The following VAV3 variants were observed in gnomAD, a reference collection of about 807,000 sequenced individuals.
VAV3 encodes the protein guanine nucleotide exchange factor VAV3.
A neutral mutation model predicts 131.2 loss-of-function variants in VAV3; 94 were observed. The ratio of observed to expected loss-of-function variants is 0.72; its 90% CI spans 0.61 to 0.85. The LOEUF (loss-of-function observed/expected upper bound fraction) is 0.85. Ranked by LOEUF, VAV3 falls within the 40% of genes least tolerant of loss-of-function variation. The pLI is 0.00. For missense variants in VAV3, 939 were observed against 1,002.7 expected (o/e 0.94, Z 0.86); for synonymous variants, 349 against 342.0 (o/e 1.02, Z -0.22).
chr1:107,686,661 A>G (rs1302365771), intron 18 of VAV3, among the ~76,000 whole-genome samples: 1 of 152,240 alleles, frequency 6.6e-6, no homozygotes, highest in African/African-American at 2.4e-5. Flanking sequence ...TAGTACAGTC[A>G]CACAGTAAAT....
intron 1 of VAV3, among the ~76,000 whole-genome samples, chr1:107,928,032 G>A (rs557534908): frequency 2.6e-5 from 4 of 152,138 alleles, no homozygotes; most frequent in Non-Finnish European, 4.4e-5. Context: ...GGGTGCTTGT[G>A]TCACTCCACC....
At chr1:107,848,307 C>T (rs1334159294) in intron 2 of VAV3, among the ~76,000 whole-genome samples, 23 of 126,380 alleles carry the variant, frequency 1.8e-4, no homozygotes, top group African/African-American at 5.9e-4. Flanking sequence ...AGCAAGACTC[C>T]GTCTCAAAAA....
chr1:107,704,743 T>C, intron 16 of VAV3, 93 bp from the exon 17 acceptor site: 1 of 1,129,536 alleles, frequency 8.9e-7, no homozygotes, highest in Admixed American at 1.9e-5. Context: ...GTATCAACAG[T>C]GCTCTTCAAG....
At chr1:107,648,874 T>C (rs1655937467) in intron 19 of VAV3, among the ~76,000 whole-genome samples, 1 of 151,992 alleles carries the variant, frequency 6.6e-6, no homozygotes, top group Non-Finnish European at 1.5e-5. Context: ...ATGGCTGATG[T>C]ATGTTTCAGG....
intron 19 of VAV3, among the ~76,000 whole-genome samples, chr1:107,665,459 C>T (rs1416035214): frequency 2.6e-5 from 4 of 152,194 alleles, no homozygotes; most frequent in Non-Finnish European, 5.9e-5. Flanking sequence ...TATCCACCCT[C>T]CTTGGTACAG....
At chr1:107,672,226 G>A (rs1291416220) in intron 19 of VAV3, 6 of 132,992 alleles carry the variant, frequency 4.5e-5, no homozygotes, top group Non-Finnish European at 9.2e-5. Flanking sequence ...CCAAGATCTT[G>A]CCACTGCACT....
At chr1:107,585,984 C>G (rs1260421308) in intron 25 of VAV3, among the ~76,000 whole-genome samples, 2 of 152,102 alleles carry the variant, frequency 1.3e-5, no homozygotes, top group African/African-American at 4.8e-5. Context: ...GCCTGCTCTA[C>G]CATTGAACTA....
intron 2 of VAV3, among the ~76,000 whole-genome samples, chr1:107,848,244 C>T (rs1361664408): frequency 2.7e-5 from 4 of 147,878 alleles, no homozygotes; most frequent in Non-Finnish European, 4.4e-5. Flanking sequence ...ACCCTGGAGG[C>T]GGAGCTTGCA....
intron 19 of VAV3, among the ~76,000 whole-genome samples, chr1:107,681,269 G>A (rs1364408822): frequency 6.6e-6 from 1 of 152,108 alleles, no homozygotes; most frequent in Non-Finnish European, 1.5e-5. Flanking sequence ...AACTTCCATG[G>A]TAGAAATACT....
chr1:107,709,125 G>A (rs962067818), intron 15 of VAV3, among the ~76,000 whole-genome samples: 2 of 152,086 alleles, frequency 1.3e-5, no homozygotes. Context: ...ATCTGATGCC[G>A]AGTTAAGTAG....
At chr1:107,579,139 T>C (rs1649856654) in intron 25 of VAV3, among the ~76,000 whole-genome samples, 1 of 152,216 alleles carries the variant, frequency 6.6e-6, no homozygotes, top group East Asian at 1.9e-4. Flanking sequence ...ATCAAGTAGC[T>C]AGAATTAGAA....
chr1:107,898,090 G>A (rs1202250872), intron 1 of VAV3, among the ~76,000 whole-genome samples: 1 of 148,002 alleles, frequency 6.8e-6, no homozygotes, highest in Non-Finnish European at 1.5e-5. Flanking sequence ...GGCAAAGAAT[G>A]TCATTATTAA....
intron 17 of VAV3, among the ~76,000 whole-genome samples, chr1:107,698,553 C>G (rs1659887619): frequency 6.6e-6 from 1 of 152,176 alleles, no homozygotes; most frequent in Non-Finnish European, 1.5e-5. Context: ...AGGACATAAC[C>G]CCATCATTAA....
At chr1:107,889,132 AGTGTGTGTGTGTGTGTGT>A (rs5776903) in intron 1 of VAV3, among the ~76,000 whole-genome samples, 4 of 141,922 alleles carry the variant, frequency 2.8e-5, no homozygotes, top group Non-Finnish European at 6.1e-5. Flanking sequence ...TCCTGTGTAG[AGTGTGTGTGTGTGTGTGT>A]GTGTGTGTGT....
chr1:107,919,122 GA>G (rs1439410562), intron 1 of VAV3, among the ~76,000 whole-genome samples: 2 of 152,120 alleles, frequency 1.3e-5, no homozygotes, highest in East Asian at 3.8e-4. Flanking sequence ...TCAATGACTT[GA>G]AATATACTCA....
At chr1:107,666,756 T>A (rs1381224184) in intron 19 of VAV3, among the ~76,000 whole-genome samples, 1 of 152,028 alleles carries the variant, frequency 6.6e-6, no homozygotes, top group Non-Finnish European at 1.5e-5. Context: ...ATATAAATTA[T>A]GTGCCAGTCC....
At chr1:107,616,576 C>T (rs1171167636) in intron 21 of VAV3, among the ~76,000 whole-genome samples, 7 of 152,124 alleles carry the variant, frequency 4.6e-5, no homozygotes, top group African/African-American at 7.2e-5. Flanking sequence ...ACATGTACCC[C>T]TAAACCTAAA....
chr1:107,624,173 G>A (rs1653819925), intron 20 of VAV3, among the ~76,000 whole-genome samples: 1 of 152,120 alleles, frequency 6.6e-6, no homozygotes, highest in Admixed American at 6.6e-5. Flanking sequence ...AAAGCCATAA[G>A]CTGTAGATTT....
chr1:107,579,572 T>A (rs1649891369), intron 25 of VAV3, among the ~76,000 whole-genome samples: 2 of 152,248 alleles, frequency 1.3e-5, no homozygotes, highest in Non-Finnish European at 2.9e-5. Flanking sequence ...AATTCTCAGC[T>A]GCACCATCCC....
Sources: allele counts gnomAD v4.1 joint callset (sites outside exome capture counted in the v4.1 genomes callset), GRCh38; gene constraint gnomAD v4.1.1; transcripts MANE v1.5; gene names NCBI Gene and HGNC (gene_info 2026-07-23, HGNC 2026-07-21).